Variants in NLGN4Y observed in about 807,000 individuals in gnomAD.
NLGN4Y encodes the protein neuroligin-4, Y-linked.
NLGN4Y carries 4 observed loss-of-function variants against 8.4 expected under a neutral mutation model. The ratio of observed to expected loss-of-function variants is 0.48; its 90% CI spans 0.23 to 1.09. The LOEUF is 1.09. Among genes scored for constraint, NLGN4Y ranks in the 50% least tolerant of loss-of-function variants. NLGN4Y has a pLI of 0.19. For synonymous variants in NLGN4Y, 35 were observed against 75.6 expected (o/e 0.46, Z 2.78); for missense variants, 90 against 192.3 (o/e 0.47, Z 3.15).
intron 4 of NLGN4Y, among the ~76,000 whole-genome samples, chrY:14,725,890 A>T (rs2080953971): frequency 3.0e-5 from 1 of 33,366 alleles, no homozygotes; most frequent in Admixed American, 2.7e-4. Context: ...GGTTTTAAAG[A>T]CAGGTGAATA....
At chrY:14,706,438 G>T (rs770672294) in intron 2 of NLGN4Y, among the ~76,000 whole-genome samples, 1 of 32,129 alleles carries the variant, frequency 3.1e-5, no homozygotes, top group Admixed American at 3.0e-4. Flanking sequence ...TTTTGAGATG[G>T]AATCTTGTTC....
In NLGN4Y at chrY:14,844,849, T is replaced by C; in HGVS notation, c.*3587T>C. On this transcript the variant is annotated 3_prime_UTR_variant, in exon 7 of 7. Transcript: ENST00000684976. ...CATGTACCTATCCTATATATGTATGTATGTATAGAGTCACAGACTGCATAA... is the reference window on the plus strand; with the variant it reads ...CATGTACCTATCCTATATATGTATGCATGTATAGAGTCACAGACTGCATAA... 2 of 33,891 alleles carry C rather than the reference T, an allele frequency of 5.9e-5. No individual in the cohort carries two copies. The highest frequency in any genetic ancestry group is 2.3e-4 in the African/African-American group (2 of 8,732). The allele number at this position is 33,891 out of a possible 400,897, so 8.5% of individuals were successfully genotyped here. A position where few individuals can be genotyped will look rare whatever the true frequency, so the allele number is the denominator to read the frequency against.
intron 2 of NLGN4Y, among the ~76,000 whole-genome samples, chrY:14,649,750 C>T (rs2080622618): frequency 5.9e-5 from 2 of 33,796 alleles, no homozygotes; most frequent in African/African-American, 1.1e-4. Flanking sequence ...TCTCTGCAGC[C>T]GTGGTACTTT....
chrY:14,578,282 A>C (rs2080305663), intron 1 of NLGN4Y, among the ~76,000 whole-genome samples: 1 of 32,262 alleles, frequency 3.1e-5, no homozygotes, highest in Non-Finnish European at 7.5e-5. Flanking sequence ...AGGGATCTAC[A>C]CTTCCAGGCT....
At chrY:14,580,191 C>CA (rs2080311549) in intron 1 of NLGN4Y, among the ~76,000 whole-genome samples, 2 of 2,771 alleles carry the variant, frequency 7.2e-4, no homozygotes, top group Admixed American at 4.7e-3. Context: ...GACTCCATCA[C>CA]AAAAAAAAAC....
At chrY:14,641,227 G>T (rs755336744) in intron 2 of NLGN4Y, among the ~76,000 whole-genome samples, 1 of 33,395 alleles carries the variant, frequency 3.0e-5, no homozygotes, top group South Asian at 6.7e-4. Context: ...ATCTAAGATT[G>T]TTCATGGGAC....
At chrY:14,607,038 G>T (rs994306301) in intron 1 of NLGN4Y, among the ~76,000 whole-genome samples, 14 of 32,140 alleles carry the variant, frequency 4.4e-4, no homozygotes, top group Non-Finnish European at 3.0e-4. Context: ...AAACTCACAT[G>T]GGAGATCTTT....
chrY:14,682,434 A>G, intron 2 of NLGN4Y, among the ~76,000 whole-genome samples: 1 of 33,471 alleles, frequency 3.0e-5, no homozygotes, highest in African/African-American at 1.2e-4. Flanking sequence ...TAGAAGCAAC[A>G]ATCTCTTGTC....
chrY:14,597,820 T>A, intron 1 of NLGN4Y, among the ~76,000 whole-genome samples: 1 of 31,973 alleles, frequency 3.1e-5, no homozygotes, highest in African/African-American at 1.2e-4. Flanking sequence ...CACAGGGTGC[T>A]GATTGGTGTA....
chrY:14,727,326 G>C, intron 4 of NLGN4Y, among the ~76,000 whole-genome samples: 1 of 32,283 alleles, frequency 3.1e-5, no homozygotes, highest in African/African-American at 1.2e-4. Flanking sequence ...CAATTAGGAA[G>C]CACCCTTAAT....
intron 4 of NLGN4Y, among the ~76,000 whole-genome samples, chrY:14,731,817 A>T (rs2080973502): frequency 3.0e-5 from 1 of 33,405 alleles, no homozygotes; most frequent in Admixed American, 2.8e-4. Context: ...TCCAATGCAG[A>T]TACCAGAGAT....
intron 2 of NLGN4Y, among the ~76,000 whole-genome samples, chrY:14,702,840 T>C (rs2150545327): frequency 1.2e-4 from 4 of 33,194 alleles, no homozygotes; most frequent in Admixed American, 1.1e-3. Context: ...CCTGACTTTT[T>C]AATGATCACC....
At chrY:14,716,906 T>A in intron 2 of NLGN4Y, among the ~76,000 whole-genome samples, 1 of 34,019 alleles carries the variant, frequency 2.9e-5, no homozygotes, top group Admixed American at 2.7e-4. Context: ...AAAGAGAGTA[T>A]ACATGAGAAG....
Position 14,842,151 on chromosome Y carries a change from G to A in NLGN4Y, c.*889G>A. The stretch of plus-strand genomic sequence containing the variant: ...TGTGTGGCCTATTTCTCCCTGTCAG[G>A]TTGCACAGATGCATGTAGAGCATTC... On this transcript the variant is annotated 3_prime_UTR_variant, in exon 7 of 7. Coordinates refer to ENST00000684976, the MANE Select transcript of NLGN4Y (RefSeq NM_001365588.1). The A allele has an allele frequency of 8.2e-6, 1 of 121,910 alleles. No homozygotes were observed. Among genetic ancestry groups the A allele is most frequent in the South Asian group, 3.9e-5 (1 of 25,723 alleles). The allele number at this position is 121,910 out of a possible 400,897, so 30.4% of individuals were successfully genotyped here. A position where few individuals can be genotyped will look rare whatever the true frequency, so the allele number is the denominator to read the frequency against.
At chrY:14,655,394 C>T (rs2080646843) in intron 2 of NLGN4Y, among the ~76,000 whole-genome samples, 1 of 29,982 alleles carries the variant, frequency 3.3e-5, no homozygotes, top group Non-Finnish European at 7.9e-5. Flanking sequence ...GGACTGGCAA[C>T]ACTTCTACTT....
chrY:14,770,811 AG>A (rs2081105468), intron 4 of NLGN4Y, among the ~76,000 whole-genome samples: 2 of 33,268 alleles, frequency 6.0e-5, no homozygotes, highest in Admixed American at 2.7e-4. Context: ...CATTGAAAAA[AG>A]GTTAGAGGAA....
chrY:14,528,664 G>T, intron 1 of NLGN4Y, among the ~76,000 whole-genome samples: 1 of 33,140 alleles, frequency 3.0e-5, no homozygotes, highest in Non-Finnish European at 7.4e-5. Flanking sequence ...ATGAGGTTTG[G>T]GTGGGGACAC....
chrY:14,731,226 G>C, intron 4 of NLGN4Y, among the ~76,000 whole-genome samples: 3 of 31,899 alleles, frequency 9.4e-5, no homozygotes, highest in Admixed American at 5.8e-4. Flanking sequence ...GTAGGAACAG[G>C]GTTTCACCAT....
At chrY:14,552,755 G>T (rs2080197961) in intron 1 of NLGN4Y, among the ~76,000 whole-genome samples, 1 of 33,198 alleles carries the variant, frequency 3.0e-5, no homozygotes, top group Non-Finnish European at 7.4e-5. Flanking sequence ...CAATAAACTA[G>T]GTATTAATGG....
Sources: gnomAD v4.1 joint callset for allele counts (sites outside exome capture counted in the v4.1 genomes callset) on GRCh38, gnomAD v4.1.1 for gene constraint, MANE v1.5 for transcripts, NCBI Gene and HGNC (gene_info 2026-07-23, HGNC 2026-07-21) for gene names.